DCAF17: variants seen among roughly 807,000 people sequenced by gnomAD.
The protein encoded by DCAF17 is DDB1- and CUL4-associated factor 17.
Under a neutral mutation model 66.0 loss-of-function variants are expected in DCAF17, and 48 were observed. That is an observed-to-expected ratio of 0.73 (90% CI 0.58 to 0.92). The LOEUF is 0.92. Among genes scored for constraint, DCAF17 ranks in the 40% least tolerant of loss-of-function variants. The pLI is 0.00. For synonymous variants in DCAF17, 206 were observed against 214.6 expected (o/e 0.96, Z 0.35); for missense variants, 562 against 622.8 (o/e 0.90, Z 1.04).
intron 5 of DCAF17, 118 bp downstream of exon 5, chr2:171,450,075 A>C: frequency 1.2e-6 from 1 of 869,456 alleles, no homozygotes; most frequent in Non-Finnish European, 1.9e-6. Context: ...AAAAGATAGG[A>C]TTCACGGCAA....
chr2:171,448,918 A>G (rs1694793382), intron 4 of DCAF17, 101 bp downstream of exon 4: 1 of 1,060,364 alleles, frequency 9.4e-7, no homozygotes, highest in Non-Finnish European at 1.4e-6. Context: ...TTTCTAATCC[A>G]TTACCAGATC....
At position 171,458,374 on chromosome 2, in the gene DCAF17, C is replaced by G. The variant is rs773360559; in HGVS notation, c.735C>G (p.Phe245Leu). The change falls in exon 8 of 14, where the codon TTC becomes TTG. Residue 245 changes from phenylalanine (F) to leucine (L), a missense_variant and splice_region_variant. Phe to Leu is a conservative substitution (Grantham distance 22, BLOSUM62 0). This residue lies in a region of DCAF17 where 348 missense variants were observed against 355.9 expected (regional missense o/e 0.98). Transcript: ENST00000375255. ...TTTTTGTTTTGTTTTGTTTTTAGTT[C>G]ATGCAACAGAAACTTGACTTAGGGT... ...LYSFQTIAEQ[F>L]MQQKLDLGCA... 40 of 1,613,364 alleles carry G rather than the reference C, an allele frequency of 2.5e-5. No individual in the cohort carries two copies. Among genetic ancestry groups the G allele is most frequent in the Non-Finnish European group, 3.2e-5 (38 of 1,179,626 alleles).
At chr2:171,441,915 T>A (rs1205546805) in intron 2 of DCAF17, among the ~76,000 whole-genome samples, 1 of 152,188 alleles carries the variant, frequency 6.6e-6, no homozygotes, top group Non-Finnish European at 1.5e-5. Flanking sequence ...GAAGTGGAAA[T>A]CTGGACATGT....
intron 9 of DCAF17, among the ~76,000 whole-genome samples, chr2:171,471,793 T>C (rs537637925): frequency 3.3e-4 from 51 of 152,296 alleles, no homozygotes; most frequent in African/African-American, 1.2e-3. Context: ...GGCAGGCAGA[T>C]GGCTTGAGCC....
intron 6 of DCAF17, among the ~76,000 whole-genome samples, chr2:171,454,505 C>T (rs1308797235): frequency 2.0e-5 from 3 of 152,084 alleles, no homozygotes; most frequent in East Asian, 2.0e-4. Context: ...AGGATGGTCT[C>T]GATCTCCTGA....
At chr2:171,478,388 T>C (rs1375345056) in intron 12 of DCAF17, among the ~76,000 whole-genome samples, 2 of 152,234 alleles carry the variant, frequency 1.3e-5, no homozygotes, top group Non-Finnish European at 2.9e-5. Context: ...GGAAATCTCT[T>C]AAGGGAAAAT....
Position 171,434,535 on chromosome 2 carries a change from C to T in DCAF17, c.-43C>T. 1 of 1,523,368 alleles carries T rather than the reference C, an allele frequency of 6.6e-7. No homozygotes were observed. The highest frequency in any genetic ancestry group is 1.2e-5 in the South Asian group (1 of 83,374). 94.4% of individuals were successfully genotyped at this position (1,523,368 alleles called of 1,614,324 possible). A position where few individuals can be genotyped will look rare whatever the true frequency, so the allele number is the denominator to read the frequency against. On this transcript the variant is annotated 5_prime_UTR_variant, in exon 1 of 14. Transcript: ENST00000375255. ...GCCCAGCACGGGAGTGTGGGGCGCG[C>T]CACTCGGCGGCCCAGCCTACCCAGG...
chr2:171,456,037 T>C (rs1440304947), intron 6 of DCAF17, among the ~76,000 whole-genome samples: 2 of 152,228 alleles, frequency 1.3e-5, no homozygotes, highest in African/African-American at 2.4e-5. Flanking sequence ...TTTGTCAATT[T>C]TTGCTTCTGT....
rs1411634744 is a variant in DCAF17, at chr2:171,482,412, C to G, written c.*1298C>G. ...TGCCATGTTAAGAATGATGTGAATT[C>G]TTCCCAGTTCTGCCCTGGTGCTAGA... On this transcript the variant is annotated 3_prime_UTR_variant, in exon 14 of 14. Coordinates refer to ENST00000375255, the MANE Select transcript of DCAF17 (RefSeq NM_025000.4). 2.2e-6 allele frequency: 1 copy of G among 453,260 alleles called. No individual in the cohort carries two copies. The highest frequency in any genetic ancestry group is 2.4e-5 in the Admixed American group (1 of 42,468). 28.1% of individuals were successfully genotyped at this position (453,260 alleles called of 1,614,324 possible).
At chr2:171,456,110 T>C (rs920145510) in intron 6 of DCAF17, among the ~76,000 whole-genome samples, 1 of 152,362 alleles carries the variant, frequency 6.6e-6, no homozygotes, top group South Asian at 2.1e-4. Context: ...AGAATGATAT[T>C]GCCTAGGTTA....
At chr2:171,479,957 TA>T (rs1277292857) in intron 12 of DCAF17, 80 bp from the exon 13 acceptor site, 4 of 1,497,768 alleles carry the variant, frequency 2.7e-6, no homozygotes, top group Non-Finnish European at 3.7e-6. Context: ...ATAGAATACT[TA>T]AACTATAAAT....
Position 171,434,554 on chromosome 2 carries a change from A to G in DCAF17, c.-24A>G. Reference sequence around the variant, plus strand: ...GGCGCGCCACTCGGCGGCCCAGCCTACCCAGGGCCCGGCCCGCGCCTCCAT... The same window carrying G: ...GGCGCGCCACTCGGCGGCCCAGCCTGCCCAGGGCCCGGCCCGCGCCTCCAT... On this transcript the variant is annotated 5_prime_UTR_variant, in exon 1 of 14. Coordinates refer to ENST00000375255, the MANE Select transcript of DCAF17 (RefSeq NM_025000.4). 1 of 1,524,462 alleles carries G rather than the reference A, an allele frequency of 6.6e-7. No homozygotes were observed. The highest frequency in any genetic ancestry group is 8.8e-7 in the Non-Finnish European group (1 of 1,141,208). 94.4% of individuals were successfully genotyped at this position (1,524,462 alleles called of 1,614,324 possible).
At chr2:171,476,555 G>A (rs989458003) in intron 10 of DCAF17, among the ~76,000 whole-genome samples, 1 of 152,154 alleles carries the variant, frequency 6.6e-6, no homozygotes, top group Non-Finnish European at 1.5e-5. Context: ...CAGAGGTAAG[G>A]TTCTTCAGAG....
chr2:171,460,540 A>G (rs186159279), intron 8 of DCAF17, among the ~76,000 whole-genome samples: 2 of 147,494 alleles, frequency 1.4e-5, no homozygotes, highest in African/African-American at 5.0e-5. Flanking sequence ...TATTATTATT[A>G]TTAATTTTGA....
intron 3 of DCAF17, among the ~76,000 whole-genome samples, chr2:171,448,397 T>G (rs886757200): frequency 6.9e-4 from 105 of 151,866 alleles, no homozygotes; most frequent in African/African-American, 2.5e-3. Flanking sequence ...ACTGTTATTA[T>G]GACTAACATT....
chr2:171,466,302 A>G (rs965424106), intron 8 of DCAF17, among the ~76,000 whole-genome samples: 1 of 152,194 alleles, frequency 6.6e-6, no homozygotes, highest in African/African-American at 2.4e-5. Flanking sequence ...GTTATTTTGT[A>G]TGCTTTATGT....
rs1459854972 is a variant in DCAF17 at position 171,435,186 on chromosome 2, G to C, written c.230G>C (p.Ser77Thr). The C allele has an allele frequency of 6.2e-7, 1 of 1,609,560 alleles. No homozygotes were observed. Among genetic ancestry groups the C allele is most frequent in the South Asian group, 1.1e-5 (1 of 90,966 alleles). Residue 77 changes from serine (S) to threonine (T), a missense_variant and splice_region_variant, in exon 2 of 14, where the codon AGT becomes ACT. Ser to Thr is a moderately conservative substitution (Grantham distance 58). Coordinates refer to ENST00000375255, the MANE Select transcript of DCAF17 (RefSeq NM_025000.4). ...GACAATTATCGGCGCTGTGTCAGCA[G>C]GTAACTTTTTATTGATAATTTTGCT... is the stretch of plus-strand genomic sequence containing the variant. Reference protein sequence around the residue: ...YFDNYRRCVSSVASEPRKLYE... With the variant: ...YFDNYRRCVSTVASEPRKLYE...
intron 2 of DCAF17, among the ~76,000 whole-genome samples, chr2:171,436,302 G>A (rs1036464298): frequency 6.6e-6 from 1 of 152,022 alleles, no homozygotes; most frequent in Non-Finnish European, 1.5e-5. Context: ...GTTTTTATGT[G>A]GGCATTTATT....
intron 8 of DCAF17, among the ~76,000 whole-genome samples, chr2:171,463,302 A>T (rs1436122404): frequency 5.1e-5 from 7 of 137,922 alleles, no homozygotes; most frequent in Non-Finnish European, 6.4e-5. Context: ...ACTATTAAGT[A>T]AAAAAAAAAA....
Sources: gnomAD v4.1 joint callset for allele counts (sites outside exome capture counted in the v4.1 genomes callset) on GRCh38, gnomAD v4.1.1 for gene constraint, gnomAD v4.1.1 regional missense constraint, MANE v1.5 for transcripts, NCBI Gene and HGNC (gene_info 2026-07-23, HGNC 2026-07-21) for gene names.